Variants in DDX19A observed in about 807,000 individuals in gnomAD.
DDX19A encodes the protein ATP-dependent RNA helicase DDX19A.
DDX19A carries 12 observed loss-of-function variants against 60.6 expected under a neutral mutation model. That is an observed-to-expected ratio of 0.20 (90% CI 0.13 to 0.32). The LOEUF is 0.32. Among genes scored for constraint, DDX19A ranks in the 10% least tolerant of loss-of-function variants. The pLI is 1.00. For missense variants in DDX19A, 337 were observed against 600.6 expected, an observed-to-expected ratio of 0.56 and a Z score of 4.59; for synonymous variants, 206 against 218.2, an observed-to-expected ratio of 0.94 and a Z score of 0.49.
chr16:70,351,229 A>C (rs533686868), intron 2 of DDX19A, among the ~76,000 whole-genome samples: 1 of 149,970 alleles, frequency 6.7e-6, no homozygotes, highest in South Asian at 2.1e-4. Context: ...TATTTGAGAC[A>C]GGGTCTCACT....
chr16:70,368,483 C>T (rs567379691), intron 9 of DDX19A, among the ~76,000 whole-genome samples: 1 of 152,070 alleles, frequency 6.6e-6, no homozygotes, highest in Non-Finnish European at 1.5e-5. Context: ...GTTGCCCAGG[C>T]TTGTCTTGAA....
intron 6 of DDX19A, 45 bp downstream of exon 6, chr16:70,364,690 G>A: frequency 7.1e-7 from 1 of 1,411,682 alleles, no homozygotes; most frequent in Non-Finnish European, 1.0e-6. Context: ...CTGCCCTGGG[G>A]AGCGCAGTGC....
chr16:70,353,892 C>A (rs899394027), intron 2 of DDX19A, among the ~76,000 whole-genome samples: 1 of 142,820 alleles, frequency 7.0e-6, no homozygotes, highest in Non-Finnish European at 1.5e-5. Context: ...CAGAGTGAGA[C>A]TCTGTCTCAA....
Position 70,356,193 on chromosome 16 carries a change from A to G in DDX19A, c.239A>G (p.Gln80Arg). 1.9e-6 allele frequency: 3 copies of G among 1,614,144 alleles called. No individual in the cohort carries two copies. Among genetic ancestry groups the G allele is most frequent in the South Asian group, 1.1e-5 (1 of 91,076 alleles). ...AACACAAACCAAGTGGAAGTCCTGC[A>G]ACGGGATCCAAACTCCCCTCTGTAC... ...VDNTNQVEVL[Q>R]RDPNSPLYSV... The change falls in exon 4 of 12, where the codon CAA becomes CGA. Residue 80 changes from glutamine to arginine, a missense_variant. Transcript: ENST00000302243.
intron 10 of DDX19A, 118 bp from the exon 11 acceptor site, chr16:70,371,254 C>T: frequency 1.3e-6 from 2 of 1,578,914 alleles, no homozygotes; most frequent in Non-Finnish European, 1.7e-6. Flanking sequence ...CCAGAGTTGG[C>T]CTGTCCCAAA....
chr16:70,347,841 C>G (rs1963883660), intron 1 of DDX19A: 2 of 273,450 alleles, frequency 7.3e-6, no homozygotes, highest in Non-Finnish European at 1.5e-5. Context: ...CAGGCATGCG[C>G]CACCACGCCC....
intron 1 of DDX19A, among the ~76,000 whole-genome samples, chr16:70,347,722 C>G (rs1567647328): frequency 6.6e-6 from 1 of 152,086 alleles, no homozygotes; most frequent in East Asian, 1.9e-4. Flanking sequence ...CAGAGTTTTG[C>G]TCTTGTTGCC....
rs187322384 is a variant in DDX19A at position 70,365,159 on chromosome 16, G to T, written c.604+28G>T. 35 of 1,492,722 alleles carry T rather than the reference G, an allele frequency of 2.3e-5. No individual in the cohort carries two copies. In the African/African-American group the frequency reaches 4.3e-4, roughly 18 times the overall value. 92.5% of individuals were successfully genotyped at this position (1,492,722 alleles called of 1,614,324 possible). On this transcript the variant is annotated intron_variant, in intron 7 of 11. Transcript: ENST00000302243. ...GAGTACGGCAGGCGACAACTGAACA[G>T]TGAGCAGGGTAGGGGGTTGGGCGTT... is the stretch of plus-strand genomic sequence containing the variant.
chr16:70,357,280 T>A (rs897451053), intron 4 of DDX19A, among the ~76,000 whole-genome samples: 47 of 142,254 alleles, frequency 3.3e-4, no homozygotes, highest in African/African-American at 1.2e-3. Flanking sequence ...AATATATATA[T>A]ATATATATGT....
intron 2 of DDX19A, among the ~76,000 whole-genome samples, chr16:70,351,047 T>C (rs1327098885): frequency 1.3e-5 from 2 of 150,560 alleles, no homozygotes; most frequent in African/African-American, 4.9e-5. Context: ...CGCTAGTTTT[T>C]TTTTTTTTGT....
Position 70,361,469 on chromosome 16 carries a change from C to G in DDX19A, c.345C>G (p.Ser115=), listed in dbSNP as rs1195381370. The G allele has an allele frequency of 6.2e-7, 1 of 1,613,862 alleles. No individual in the cohort carries two copies. Among genetic ancestry groups the G allele is most frequent in the Non-Finnish European group, 8.5e-7 (1 of 1,179,854 alleles). The change falls in exon 5 of 12, where the codon TCC becomes TCG. Residue 115 remains serine, a synonymous_variant. Transcript: ENST00000302243. ...ATGCCATGGGCTTCAATCGACCCTC[C>G]AAGATACAAGAGAACGCATTACCCA... ...GVYAMGFNRP[S]KIQENALPMM...
chr16:70,365,171 G>A (rs541782346), intron 7 of DDX19A, 40 bp downstream of exon 7: 2 of 1,423,514 alleles, frequency 1.4e-6, no homozygotes, highest in Non-Finnish European at 9.9e-7. Flanking sequence ...GAGCAGGGTA[G>A]GGGGTTGGGC....
At position 70,368,301 on chromosome 16, in the gene DDX19A, C is replaced by G. The variant is rs1964579854; in HGVS notation, c.1020+1440C>G. Among the ~76,000 whole-genome samples, 3 of 151,962 alleles carry G rather than the reference C, an allele frequency of 2.0e-5. No homozygotes were observed. The South Asian group carries it at 6.2e-4, about 31-fold the overall frequency. On this transcript the variant is annotated intron_variant, in intron 9 of 11. Coordinates refer to ENST00000302243, the MANE Select transcript of DDX19A (RefSeq NM_018332.5). ...TTTTTTTTTTTGAGACCGAGTCTAT[C>G]TAGCTCTGTCACCCAGGCTGGAGTG...
chr16:70,354,007 G>T (rs1258824402), intron 2 of DDX19A, among the ~76,000 whole-genome samples: 1 of 151,778 alleles, frequency 6.6e-6, no homozygotes, highest in Non-Finnish European at 1.5e-5. Flanking sequence ...CTCCTGAATA[G>T]CTGGGATTAT....
intron 4 of DDX19A, among the ~76,000 whole-genome samples, chr16:70,358,682 A>G (rs1171325939): frequency 4.6e-5 from 7 of 152,056 alleles, no homozygotes; most frequent in African/African-American, 1.7e-4. Context: ...CATCTCTACT[A>G]AAAATACAAA....
At chr16:70,355,979 C>A (rs1432491879) in intron 3 of DDX19A, 133 bp from the exon 4 acceptor site, 4 of 1,123,230 alleles carry the variant, frequency 3.6e-6, no homozygotes, top group Non-Finnish European at 5.2e-6. Context: ...TAAATAGAGA[C>A]CTATCAGTGT....
At chr16:70,362,521 C>T (rs1360279761) in intron 5 of DDX19A, among the ~76,000 whole-genome samples, 6 of 152,110 alleles carry the variant, frequency 3.9e-5, no homozygotes, top group African/African-American at 1.4e-4. Flanking sequence ...GAAGCAGGTC[C>T]AGTTGATAGT....
intron 5 of DDX19A, chr16:70,364,277 A>G: frequency 2.6e-6 from 1 of 383,288 alleles, no homozygotes; most frequent in Non-Finnish European, 4.8e-6. Context: ...TTGGGGTGCA[A>G]AACTGGGGTC....
Position 70,370,207 on chromosome 16 carries a change from GT to G in DDX19A, c.1021-8del, listed in dbSNP as rs749080479. 1.3e-5 allele frequency: 21 copies of G among 1,603,586 alleles called. No individual in the cohort carries two copies. Among genetic ancestry groups the G allele is most frequent in the Admixed American group, 3.6e-5 (2 of 56,056 alleles). On this transcript the variant is annotated splice_polypyrimidine_tract_variant and intron_variant, in intron 9 of 11. Coordinates refer to ENST00000302243, the MANE Select transcript of DDX19A (RefSeq NM_018332.5). ...ACTCAAATACTTTCATTTCTCAATT[GT>G]TTTTTTTCTTCCAGACTCGCAAAAC...
Sources: allele counts gnomAD v4.1 joint callset (sites outside exome capture counted in the v4.1 genomes callset), GRCh38; gene constraint gnomAD v4.1.1; transcripts MANE v1.5; gene names NCBI Gene and HGNC (gene_info 2026-07-23, HGNC 2026-07-21).